Variants in HORMAD2 observed in about 807,000 individuals in gnomAD.
HORMAD2 encodes the protein HORMA domain containing 2.
In HORMAD2, 45 loss-of-function variants were observed where a neutral mutation model predicts 38.8. That is an observed-to-expected ratio of 1.16 (90% CI 0.91 to 1.49). HORMAD2 has a LOEUF of 1.49. Ranked by LOEUF, HORMAD2 falls within the 40% of genes most tolerant of loss-of-function variation. The probability of loss-of-function intolerance (pLI) is 0.00; values close to 1 mark genes in which losing one functional copy is unlikely to be tolerated. For missense variants in HORMAD2, 338 were observed against 367.0 expected (o/e 0.92, Z 0.65); for synonymous variants, 126 against 122.8 (o/e 1.03, Z -0.17).
intron 10 of HORMAD2, among the ~76,000 whole-genome samples, chr22:30,139,254 C>CTGTA (rs1261439013): frequency 1.0e-5 from 1 of 96,774 alleles, no homozygotes. Flanking sequence ...ATGAACTGTA[C>CTGTA]TATATATATA....
chr22:30,164,932 C>T (rs1193847300), intron 10 of HORMAD2, among the ~76,000 whole-genome samples: 2 of 152,188 alleles, frequency 1.3e-5, no homozygotes, highest in Non-Finnish European at 2.9e-5. Context: ...TCCTTTGATG[C>T]ACAAAAGTTT....
chr22:30,201,412 CTTTTTTTTTTTTT>C, the HORMAD2 span, among the ~76,000 whole-genome samples: 2 of 121,086 alleles, frequency 1.7e-5, no homozygotes, highest in Non-Finnish European at 3.3e-5. Context: ...AGAGTTAAGA[CTTTTTTTTTTTTT>C]TTTTTTTTTC....
chr22:30,121,292 G>A (rs1227509833), intron 8 of HORMAD2, among the ~76,000 whole-genome samples: 1 of 152,154 alleles, frequency 6.6e-6, no homozygotes, highest in African/African-American at 2.4e-5. Context: ...TAAATGACTT[G>A]ACCAAGGTCA....
intron 5 of HORMAD2, among the ~76,000 whole-genome samples, chr22:30,108,259 C>G (rs1248124353): frequency 6.6e-6 from 1 of 152,156 alleles, no homozygotes; most frequent in African/African-American, 2.4e-5. Flanking sequence ...TGCATACTTT[C>G]AGAAACCCAA....
intron 1 of HORMAD2, 89 bp from the exon 2 acceptor site, chr22:30,093,827 T>C (rs41281633): frequency 0.072 from 43,378 of 601,828 alleles, 1,906 homozygotes; most frequent in African/African-American, 0.092. Flanking sequence ...TGTTTGCTTT[T>C]AGACTTTTTC....
At chr22:30,199,916 C>T in the HORMAD2 span, among the ~76,000 whole-genome samples, 1 of 151,608 alleles carries the variant, frequency 6.6e-6, no homozygotes, top group Non-Finnish European at 1.5e-5. Flanking sequence ...TTGAGACCAG[C>T]CTGGCCAACA....
the HORMAD2 span, among the ~76,000 whole-genome samples, chr22:30,205,630 G>A: frequency 7.2e-5 from 11 of 152,122 alleles, no homozygotes; most frequent in African/African-American, 9.7e-5. Flanking sequence ...GTGACCCAGC[G>A]GTGAGGTGAT....
intron 1 of HORMAD2, among the ~76,000 whole-genome samples, chr22:30,082,893 G>C (rs2068509525): frequency 6.6e-6 from 1 of 152,026 alleles, no homozygotes; most frequent in African/African-American, 2.4e-5. Context: ...AGCCTAGAGT[G>C]AATCTTTACC....
At chr22:30,111,621 C>G (rs1921661997) in intron 5 of HORMAD2, among the ~76,000 whole-genome samples, 175 bp from the exon 6 acceptor site, 1 of 152,182 alleles carries the variant, frequency 6.6e-6, no homozygotes, top group South Asian at 2.1e-4. Flanking sequence ...GAACTAATTC[C>G]TTCTCAGATA....
intron 7 of HORMAD2, 65 bp downstream of exon 7, chr22:30,112,587 G>A: frequency 1.5e-6 from 1 of 645,754 alleles, no homozygotes; most frequent in Non-Finnish European, 2.4e-6. Flanking sequence ...ATGTTTTTCT[G>A]AGTTGAGGCT....
the HORMAD2 span, among the ~76,000 whole-genome samples, chr22:30,188,945 G>A: frequency 2.0e-5 from 3 of 151,936 alleles, no homozygotes; most frequent in Admixed American, 1.3e-4. Flanking sequence ...AGACCAGCCT[G>A]GGCAACATGG....
chr22:30,144,984 T>C (rs1239225828), intron 10 of HORMAD2, among the ~76,000 whole-genome samples: 2 of 152,036 alleles, frequency 1.3e-5, no homozygotes, highest in African/African-American at 4.8e-5. Flanking sequence ...TATAATGGAA[T>C]GGAGTGGAAT....
chr22:30,205,887 C>A, the HORMAD2 span, among the ~76,000 whole-genome samples: 4 of 152,082 alleles, frequency 2.6e-5, no homozygotes, highest in Non-Finnish European at 4.4e-5. Context: ...ACCCGAAATC[C>A]CAAAGCAGGG....
intron 10 of HORMAD2, among the ~76,000 whole-genome samples, chr22:30,168,771 G>A (rs1452593663): frequency 6.6e-6 from 1 of 151,934 alleles, no homozygotes; most frequent in African/African-American, 2.4e-5. Context: ...GCGGCTTTTG[G>A]TCTTGCTCAG....
chr22:30,123,946 A>G (rs959344160), intron 10 of HORMAD2, among the ~76,000 whole-genome samples: 1 of 151,458 alleles, frequency 6.6e-6, no homozygotes, highest in African/African-American at 2.4e-5. Context: ...CTAGGATTAC[A>G]CCACACCTGG....
At chr22:30,082,806 A>T (rs910761676) in intron 1 of HORMAD2, among the ~76,000 whole-genome samples, 1 of 151,514 alleles carries the variant, frequency 6.6e-6, no homozygotes, top group Non-Finnish European at 1.5e-5. Flanking sequence ...AAAAAAAAAA[A>T]AAAGAAAAGA....
chr22:30,158,598 C>CTT (rs1369144795), intron 10 of HORMAD2, among the ~76,000 whole-genome samples: 7 of 112,612 alleles, frequency 6.2e-5, no homozygotes, highest in South Asian at 4.2e-4. Context: ...TCCTTCCTTC[C>CTT]CTCCCTCCCT....
At chr22:30,121,169 G>T (rs1046854439) in intron 8 of HORMAD2, among the ~76,000 whole-genome samples, 10 of 152,166 alleles carry the variant, frequency 6.6e-5, no homozygotes, top group African/African-American at 2.2e-4. Flanking sequence ...ATACTTTTGC[G>T]AGATAATCAG....
chr22:30,170,353 C>G (rs1926034545), intron 10 of HORMAD2, among the ~76,000 whole-genome samples: 1 of 152,164 alleles, frequency 6.6e-6, no homozygotes, highest in Non-Finnish European at 1.5e-5. Context: ...CCTCCTCATG[C>G]AAAACAAGTA....
Sources: gnomAD v4.1 joint callset for allele counts (sites outside exome capture counted in the v4.1 genomes callset) on GRCh38, gnomAD v4.1.1 for gene constraint, MANE v1.5 for transcripts, NCBI Gene and HGNC (gene_info 2026-07-23, HGNC 2026-07-21) for gene names.